Variants in FUCA1 observed in about 807,000 individuals in gnomAD.
FUCA1 encodes alpha-L-fucosidase 1.
Under a neutral mutation model 56.8 loss-of-function variants are expected in FUCA1, and 52 were observed. That is an observed-to-expected ratio of 0.92 (90% CI 0.73 to 1.15). The LOEUF (loss-of-function observed/expected upper bound fraction) is 1.15. Ranked by LOEUF, FUCA1 falls within the 50% of genes most tolerant of loss-of-function variation. The probability of loss-of-function intolerance (pLI) is 0.00; values close to 1 mark genes in which losing one functional copy is unlikely to be tolerated. For synonymous variants in FUCA1, 230 were observed against 226.6 expected, an observed-to-expected ratio of 1.02 and a Z score of -0.14; for missense variants, 568 against 592.6, an observed-to-expected ratio of 0.96 and a Z score of 0.43.
At chr1:23,851,431 A>T (rs148376825) in intron 5 of FUCA1, among the ~76,000 whole-genome samples, 1 of 148,562 alleles carries the variant, frequency 6.7e-6, no homozygotes, top group Non-Finnish European at 1.5e-5. Flanking sequence ...CATACATACA[A>T]ATAATCCTGG....
At chr1:23,866,093 C>T (rs1351710857) in intron 1 of FUCA1, among the ~76,000 whole-genome samples, 6 of 152,200 alleles carry the variant, frequency 3.9e-5, no homozygotes, top group Non-Finnish European at 2.9e-5. Flanking sequence ...GGGCGGATTA[C>T]CTGAGGTCAG....
At chr1:23,856,551 AGCATGCG>A in intron 4 of FUCA1, among the ~76,000 whole-genome samples, 1 of 152,326 alleles carries the variant, frequency 6.6e-6, no homozygotes. Context: ...TCCAAGGCTT[AGCATGCG>A]GCATGCTACG....
At position 23,845,540 on chromosome 1, in the gene FUCA1, C is replaced by A. The variant is rs1639120067; in HGVS notation, c.*175G>T. 2.8e-6 allele frequency: 2 copies of A among 712,506 alleles called. No homozygotes were observed. The highest frequency in any genetic ancestry group is 2.5e-5 in the Admixed American group (1 of 40,704). The allele number at this position is 712,506 out of a possible 1,614,324, so 44.1% of individuals were successfully genotyped here. A position where few individuals can be genotyped will look rare whatever the true frequency, so the allele number is the denominator to read the frequency against. On this transcript the variant is annotated 3_prime_UTR_variant, in exon 8 of 8. Coordinates refer to ENST00000374479, the MANE Select transcript of FUCA1 (RefSeq NM_000147.5). Reference sequence around the variant, plus strand: ...GATATAATCACAATGGATCTCAGATCTTTGGTCCATTTAGACATCAGGGTA... The same window carrying A: ...GATATAATCACAATGGATCTCAGATATTTGGTCCATTTAGACATCAGGGTA...
rs745579700 is a variant in FUCA1 at position 23,863,299 on chromosome 1, G to A, written c.525-28C>T. On this transcript the variant is annotated intron_variant, in intron 2 of 7. Coordinates refer to ENST00000374479, the MANE Select transcript of FUCA1 (RefSeq NM_000147.5). ...TAAACAGAAAAACAGAACAGCAACT[G>A]TCATTAAGCATAGAACAAATAATTT... 8.1e-6 allele frequency: 13 copies of A among 1,607,706 alleles called. No individual in the cohort carries two copies. The South Asian group carries it at 1.1e-4, about 14-fold the overall frequency.
intron 4 of FUCA1, among the ~76,000 whole-genome samples, chr1:23,859,332 C>T (rs1367437450): frequency 6.6e-6 from 1 of 152,012 alleles, no homozygotes; most frequent in Non-Finnish European, 1.5e-5. Flanking sequence ...TTTGGGAGGC[C>T]AAGGTGAGCG....
At chr1:23,855,498 TCAAAAA>T (rs111763555) in intron 4 of FUCA1, among the ~76,000 whole-genome samples, 8 of 152,244 alleles carry the variant, frequency 5.3e-5, no homozygotes, top group South Asian at 2.1e-4. Context: ...AGACTCCGTC[TCAAAAA>T]CAAAAACAAA....
rs1639658761 is a variant in FUCA1 at position 23,867,945 on chromosome 1, G to A, written c.342C>T (p.Phe114=). 6.4e-7 allele frequency: 1 copy of A among 1,571,498 alleles called. No individual in the cohort carries two copies. Among genetic ancestry groups the A allele is most frequent in the Admixed American group, 1.9e-5 (1 of 52,616 alleles). ...GGTCGGCCCACTCCTCCGGGTGGAAGAAGCGCGCAGTGAACTGCGGTCCGA... is the reference window on the plus strand; with the variant it reads ...GGTCGGCCCACTCCTCCGGGTGGAAAAAGCGCGCAGTGAACTGCGGTCCGA... The part of the protein sequence containing the change: ...ADFGPQFTAR[F]FHPEEWADLF... Residue 114 remains phenylalanine (F), a synonymous_variant, in exon 1 of 8, where the codon TTC becomes TTT. Coordinates refer to ENST00000374479, the MANE Select transcript of FUCA1 (RefSeq NM_000147.5). The surrounding 1 kb of genome is among the most constrained non-coding windows in gnomAD (Gnocchi z 4.9).
intron 5 of FUCA1, among the ~76,000 whole-genome samples, chr1:23,852,612 A>G (rs2148441249): frequency 6.6e-6 from 1 of 152,062 alleles, no homozygotes; most frequent in South Asian, 2.1e-4. Flanking sequence ...AGTGCCTGCG[A>G]TTGCAGGTGC....
In FUCA1 at chr1:23,865,479, C is replaced by G. The variant is rs368406378; in HGVS notation, c.524+12G>C. On this transcript the variant is annotated intron_variant, in intron 2 of 7. Coordinates refer to ENST00000374479, the MANE Select transcript of FUCA1 (RefSeq NM_000147.5). ...CAAAGAGATAACAGAGTAACCATCC[C>G]TGGACACTCACCTCTTCCGGAGAGC... 8.7e-6 allele frequency: 14 copies of G among 1,614,060 alleles called. No homozygotes were observed. The Middle Eastern group carries it at 4.9e-4, about 57-fold the overall frequency.
chr1:23,868,158 G>A lies in FUCA1; in HGVS notation c.129C>T (p.Ser43=), dbSNP rs749870910. 6.2e-7 allele frequency: 1 copy of A among 1,609,596 alleles called. No individual in the cohort carries two copies. The highest frequency in any genetic ancestry group is 8.5e-7 in the Non-Finnish European group (1 of 1,178,822). The change falls in exon 1 of 8, where the codon AGC becomes AGT. Residue 43 remains serine (S), a synonymous_variant. Transcript: ENST00000374479. ...AGGCCGGCAGCGGCCGAGAATCCAG[G>A]CTCGGCCAGTCTGGGGTGTAGCGGC... ...PPRRYTPDWP[S]LDSRPLPAWF...
chr1:23,853,422 C>A (rs369374550), intron 5 of FUCA1, among the ~76,000 whole-genome samples: 1 of 150,762 alleles, frequency 6.6e-6, no homozygotes, highest in Admixed American at 6.6e-5. Flanking sequence ...GGCCAGCCGC[C>A]CCGTCCGGGA....
Position 23,845,657 on chromosome 1 carries a change from A to G in FUCA1, c.*58T>C. On this transcript the variant is annotated 3_prime_UTR_variant, in exon 8 of 8. Transcript: ENST00000374479. ...TTGATTATAGTGATGGTACTATAAG[A>G]GAAAAACTGAAGCAGGAAAACAGTG... The G allele has an allele frequency of 5.6e-6, 9 of 1,608,406 alleles. No homozygotes were observed. The highest frequency in any genetic ancestry group is 7.7e-6 in the Non-Finnish European group (9 of 1,174,778).
At chr1:23,865,270 T>C (rs186237968) in intron 2 of FUCA1, among the ~76,000 whole-genome samples, 1 of 152,278 alleles carries the variant, frequency 6.6e-6, no homozygotes, top group Admixed American at 6.5e-5. Context: ...TTTGGTCACG[T>C]GAAAACTGTG....
At chr1:23,855,877 C>G (rs2148443684) in intron 4 of FUCA1, among the ~76,000 whole-genome samples, 1 of 152,330 alleles carries the variant, frequency 6.6e-6, no homozygotes. Flanking sequence ...TACTCAACAA[C>G]TACCATGGGG....
intron 6 of FUCA1, among the ~76,000 whole-genome samples, chr1:23,847,699 G>C (rs1339435646): frequency 1.3e-5 from 2 of 152,122 alleles, no homozygotes; most frequent in African/African-American, 4.8e-5. Flanking sequence ...CCAGAACTGT[G>C]AGCTAAATAA....
chr1:23,865,990 T>C (rs1570690599), intron 1 of FUCA1, among the ~76,000 whole-genome samples: 1 of 152,312 alleles, frequency 6.6e-6, no homozygotes, highest in East Asian at 1.9e-4. Context: ...GAAAGAGCTC[T>C]ACTGGAAATG....
intron 5 of FUCA1, among the ~76,000 whole-genome samples, chr1:23,853,114 G>A (rs1370350843): frequency 1.4e-5 from 2 of 144,750 alleles, no homozygotes; most frequent in Non-Finnish European, 3.0e-5. Flanking sequence ...TGTGGGGAGC[G>A]CCTCTGCCCC....
In FUCA1 at chr1:23,854,466, A is replaced by C. The variant is rs758328076; in HGVS notation, c.863T>G (p.Leu288Trp). The C allele has an allele frequency of 3.7e-6, 6 of 1,614,166 alleles. No individual in the cohort carries two copies. The Admixed American group carries it at 1.0e-4, about 27-fold the overall frequency. ...GCACATCTCCCACTTGTGATCTGGCAAGCTCTGTGGCTTGAATTTATCTTC... is the reference window on the plus strand; with the variant it reads ...GCACATCTCCCACTTGTGATCTGGCCAGCTCTGTGGCTTGAATTTATCTTC... ...NCEDKFKPQS[L>W]PDHKWEMCTS... Residue 288 changes from leucine to tryptophan, a missense_variant, in exon 5 of 8, where the codon TTG (leucine) becomes TGG (tryptophan). By Grantham distance (61) the Leu-to-Trp change is moderately conservative. Coordinates refer to ENST00000374479, the MANE Select transcript of FUCA1 (RefSeq NM_000147.5).
rs569971518 is a variant in FUCA1, at chr1:23,867,733, C to G, written c.389+165G>C. 2 of 985,400 alleles carry G rather than the reference C, an allele frequency of 2.0e-6. No individual in the cohort carries two copies. Among genetic ancestry groups the G allele is most frequent in the East Asian group, 1.1e-4 (1 of 8,806 alleles). 61.0% of individuals were successfully genotyped at this position (985,400 alleles called of 1,614,324 possible). A position where few individuals can be genotyped will look rare whatever the true frequency, so the allele number is the denominator to read the frequency against. ...CCCCAGTCAAACGCACCTCCTCCTC[C>G]TCATCAGGTGTGCCAGGCTCACTCC... On this transcript the variant is annotated intron_variant, in intron 1 of 7. Transcript: ENST00000374479. The surrounding 1 kb of genome is among the most constrained non-coding windows in gnomAD (Gnocchi z 4.9).
Sources: gnomAD v4.1 joint callset for allele counts (sites outside exome capture counted in the v4.1 genomes callset) on GRCh38, gnomAD v4.1.1 for gene constraint, Gnocchi (gnomAD v3.1) non-coding constraint, MANE v1.5 for transcripts, NCBI Gene and HGNC (gene_info 2026-07-23, HGNC 2026-07-21) for gene names.